The following HPSE2 variants were observed in gnomAD, a reference collection of about 807,000 sequenced individuals.
HPSE2 encodes inactive heparanase-2.
Under a neutral mutation model 60.5 loss-of-function variants are expected in HPSE2, and 38 were observed. That is an observed-to-expected ratio of 0.63 (90% CI 0.48 to 0.82). HPSE2 has a LOEUF of 0.82. Ranked by LOEUF, HPSE2 falls within the 40% of genes least tolerant of loss-of-function variation. The pLI, the probability that HPSE2 is intolerant of heterozygous loss-of-function variation, is 0.00. For missense variants in HPSE2, 713 were observed against 740.4 expected, an observed-to-expected ratio of 0.96 and a Z score of 0.43; for synonymous variants, 295 against 293.2, an observed-to-expected ratio of 1.01 and a Z score of -0.06.
chr10:98,488,387 T>G (rs775340642), intron 10 of HPSE2, among the ~76,000 whole-genome samples: 1 of 152,184 alleles, frequency 6.6e-6, no homozygotes, highest in Non-Finnish European at 1.5e-5. Context: ...TTCATGCCAG[T>G]CACTATATTA....
rs1189056219 is a variant in HPSE2 at position 98,457,270 on chromosome 10, G to A, written c.*2304C>T. 1 of 152,246 alleles carries A rather than the reference G, an allele frequency of 6.6e-6. No individual in the cohort carries two copies. The highest frequency in any genetic ancestry group is 1.5e-5 in the Non-Finnish European group (1 of 68,046). 9.4% of individuals were successfully genotyped at this position (152,246 alleles called of 1,614,324 possible). On this transcript the variant is annotated 3_prime_UTR_variant, in exon 12 of 12. Coordinates refer to ENST00000370552, the MANE Select transcript of HPSE2 (RefSeq NM_021828.5). The stretch of plus-strand genomic sequence containing the variant: ...GAGTGGAGTTCTGGCTGTTCTGAAT[G>A]AGCAGAACCTACAAAGATGTGAAGG...
chr10:99,027,940 T>C (rs1229463969), intron 3 of HPSE2, among the ~76,000 whole-genome samples: 1 of 152,146 alleles, frequency 6.6e-6, no homozygotes, highest in Admixed American at 6.6e-5. Context: ...TGAAAATTAA[T>C]TGAAAATTTA....
At chr10:98,475,365 C>A (rs576673121) in intron 11 of HPSE2, among the ~76,000 whole-genome samples, 2 of 152,118 alleles carry the variant, frequency 1.3e-5, no homozygotes, top group South Asian at 2.1e-4. Flanking sequence ...TGTGACCCCC[C>A]GCCTCGGCCT....
chr10:99,281,981 C>T, the HPSE2 span, among the ~76,000 whole-genome samples: 2 of 152,092 alleles, frequency 1.3e-5, no homozygotes, highest in Non-Finnish European at 2.9e-5. Context: ...AAAGACAGGC[C>T]GGGTGCGGTG....
At chr10:99,206,250 G>C (rs1254891729) in intron 2 of HPSE2, among the ~76,000 whole-genome samples, 2 of 152,160 alleles carry the variant, frequency 1.3e-5, no homozygotes, top group Admixed American at 1.3e-4. Flanking sequence ...TTAATCTACT[G>C]TTCCATAAGG....
At chr10:98,721,920 T>G in intron 4 of HPSE2, 92 bp from the exon 5 acceptor site, 1 of 1,044,780 alleles carries the variant, frequency 9.6e-7, no homozygotes, top group Admixed American at 2.0e-5. Flanking sequence ...TTTTTCTTAA[T>G]AATATGAAAA....
intron 3 of HPSE2, among the ~76,000 whole-genome samples, chr10:99,029,809 C>G (rs1286658611): frequency 1.3e-5 from 2 of 152,192 alleles, no homozygotes; most frequent in African/African-American, 4.8e-5. Flanking sequence ...GCAAGCCTGA[C>G]TAATATCAGG....
In HPSE2 at chr10:99,187,658, A is replaced by G. The variant is rs556686454; in HGVS notation, c.449-43259T>C. Among the ~76,000 whole-genome samples, 4 of 152,360 alleles carry G rather than the reference A, an allele frequency of 2.6e-5. No individual in the cohort carries two copies. The South Asian group carries it at 6.2e-4, about 24-fold the overall frequency. On this transcript the variant is annotated intron_variant, in intron 2 of 11. Coordinates refer to ENST00000370552, the MANE Select transcript of HPSE2 (RefSeq NM_021828.5). ...ACAATGTTCATTATCATTAGTCATT[A>G]GGGAAATGCAAATGAAAACGTAGTA...
At chr10:99,234,017 G>A (rs1849755738) in intron 1 of HPSE2, among the ~76,000 whole-genome samples, 2 of 152,224 alleles carry the variant, frequency 1.3e-5, no homozygotes, top group African/African-American at 2.4e-5. Context: ...GCTGGTGGGG[G>A]AAAGGGGGTC....
chr10:98,851,279 A>T (rs149240480), intron 3 of HPSE2, among the ~76,000 whole-genome samples: 1,799 of 152,318 alleles, frequency 0.012, 20 homozygotes, highest in Non-Finnish European at 0.019. Context: ...AGCTGAGCAG[A>T]GAGGGGGCCT....
In HPSE2 at chr10:98,744,070, G is replaced by C; in HGVS notation, c.611-14C>G. On this transcript the variant is annotated splice_polypyrimidine_tract_variant and intron_variant, in intron 3 of 11. Transcript: ENST00000370552. ...CTAGAGACCTGGCTGGGAAGAAGCA[G>C]AGAAAGGCTTGTAACTTTCAAATCA... The C allele has an allele frequency of 6.2e-7, 1 of 1,612,576 alleles. No individual in the cohort carries two copies. Among genetic ancestry groups the C allele is most frequent in the Non-Finnish European group, 8.5e-7 (1 of 1,179,002 alleles).
intron 3 of HPSE2, among the ~76,000 whole-genome samples, chr10:98,969,965 CTT>C (rs34345841): frequency 1.4e-5 from 2 of 146,580 alleles, no homozygotes; most frequent in Admixed American, 6.8e-5. Flanking sequence ...CTGTCACCCA[CTT>C]TTTTTTTTTT....
chr10:99,191,338 C>G (rs888769565), intron 2 of HPSE2, among the ~76,000 whole-genome samples: 53 of 151,642 alleles, frequency 3.5e-4, no homozygotes, highest in African/African-American at 1.3e-3. Context: ...AGGTCTGACT[C>G]AGTGCAGTCC....
intron 2 of HPSE2, among the ~76,000 whole-genome samples, chr10:99,166,191 G>A (rs1847076917): frequency 6.6e-6 from 1 of 152,076 alleles, no homozygotes; most frequent in African/African-American, 2.4e-5. Context: ...ACTATAGTTT[G>A]TTTAACCATT....
rs1218107845 is a variant in HPSE2, at chr10:98,458,658, A to G, written c.*916T>C. 6.6e-6 allele frequency: 1 copy of G among 152,096 alleles called. No individual in the cohort carries two copies. The highest frequency in any genetic ancestry group is 2.4e-5 in the African/African-American group (1 of 41,400). 9.4% of individuals were successfully genotyped at this position (152,096 alleles called of 1,614,324 possible). On this transcript the variant is annotated 3_prime_UTR_variant, in exon 12 of 12. Transcript: ENST00000370552. ...CCTATAGAGCCCCTAATATTCTCTT[A>G]ATTTTGGAGAGGTCTAATTTGCTTT... is the stretch of plus-strand genomic sequence containing the variant.
intron 6 of HPSE2, among the ~76,000 whole-genome samples, chr10:98,678,350 A>G (rs971404446): frequency 6.6e-6 from 1 of 152,216 alleles, no homozygotes; most frequent in Non-Finnish European, 1.5e-5. Context: ...AGATCCAGGC[A>G]GCCATCTTCT....
At chr10:98,857,724 C>G (rs541922445) in intron 3 of HPSE2, among the ~76,000 whole-genome samples, 1 of 152,072 alleles carries the variant, frequency 6.6e-6, no homozygotes, top group South Asian at 2.1e-4. Context: ...TAATGAAGTA[C>G]TAATAATGGA....
chr10:98,819,989 G>A (rs1463109816), intron 3 of HPSE2, among the ~76,000 whole-genome samples: 1 of 152,040 alleles, frequency 6.6e-6, no homozygotes. Flanking sequence ...ATACTCTCAT[G>A]ACTTCCATCC....
chr10:99,033,050 T>C (rs1015036601), intron 3 of HPSE2, among the ~76,000 whole-genome samples: 7 of 152,154 alleles, frequency 4.6e-5, no homozygotes, highest in African/African-American at 1.7e-4. Flanking sequence ...TTCCAGAAAT[T>C]AGGACATGGA....
Sources: allele counts gnomAD v4.1 joint callset (sites outside exome capture counted in the v4.1 genomes callset), GRCh38; gene constraint gnomAD v4.1.1; transcripts MANE v1.5; gene names NCBI Gene and HGNC (gene_info 2026-07-23, HGNC 2026-07-21).